CCDC30: variants seen among roughly 807,000 people sequenced by gnomAD.
The protein encoded by CCDC30 is coiled-coil domain containing 30, also known as coiled-coil domain-containing protein 30.
Under a neutral mutation model 100.2 loss-of-function variants are expected in CCDC30, and 70 were observed. That is an observed-to-expected ratio of 0.70 (90% confidence interval 0.58 to 0.85). The LOEUF is 0.85. CCDC30 is among the 40% of genes least tolerant of loss of function. The pLI, the probability that CCDC30 is intolerant of heterozygous loss-of-function variation, is 0.00. For synonymous variants in CCDC30, 233 were observed against 269.5 expected, an observed-to-expected ratio of 0.86 and a Z score of 1.33; for missense variants, 652 against 771.2, an observed-to-expected ratio of 0.85 and a Z score of 1.83.
upstream of CCDC30, chr1:42,460,143 T>C: frequency 7.8e-7 from 1 of 1,281,688 alleles, no homozygotes; most frequent in East Asian, 3.1e-5. Flanking sequence ...TAATCACCTT[T>C]AAAAAGAAGA....
At chr1:42,634,262 A>C (rs888779872) in intron 11 of CCDC30, among the ~76,000 whole-genome samples, 3 of 151,314 alleles carry the variant, frequency 2.0e-5, no homozygotes, top group African/African-American at 4.8e-5. Flanking sequence ...AAAAAAAAAA[A>C]AAAAAAAAAA....
intron 6 of CCDC30, among the ~76,000 whole-genome samples, chr1:42,564,377 A>G (rs745591480): frequency 1.3e-5 from 2 of 152,060 alleles, no homozygotes; most frequent in Non-Finnish European, 2.9e-5. Context: ...CAATGGCATG[A>G]TCTTGGCTCA....
intron 7 of CCDC30, chr1:42,571,220 A>G (rs1253555824): frequency 6.6e-6 from 1 of 152,214 alleles, no homozygotes; most frequent in Admixed American, 6.5e-5. Context: ...TCTGTTTACA[A>G]TGAGATGTTT....
At chr1:42,628,547 C>T (rs1314650795) in intron 11 of CCDC30, among the ~76,000 whole-genome samples, 1 of 152,094 alleles carries the variant, frequency 6.6e-6, no homozygotes, top group East Asian at 1.9e-4. Context: ...CCCAAAATTC[C>T]CACATGTTGT....
intron 6 of CCDC30, chr1:42,556,212 G>A (rs772948127): frequency 5.6e-6 from 9 of 1,614,102 alleles, no homozygotes; most frequent in South Asian, 1.1e-5. Flanking sequence ...GTAAAGGAGG[G>A]CAGTTTTCCA....
chr1:42,527,707 C>G (rs1644742219), intron 6 of CCDC30, among the ~76,000 whole-genome samples: 1 of 152,108 alleles, frequency 6.6e-6, no homozygotes, highest in African/African-American at 2.4e-5. Flanking sequence ...GCAAATCTCA[C>G]TAACCTCCCA....
At chr1:42,532,816 G>A (rs1399287615) in intron 6 of CCDC30, among the ~76,000 whole-genome samples, 1 of 152,188 alleles carries the variant, frequency 6.6e-6, no homozygotes, top group African/African-American at 2.4e-5. Context: ...GCCCAGGCTG[G>A]AGTGTAGTGG....
At chr1:42,537,110 C>A (rs149353256) in intron 6 of CCDC30, 16 of 446,096 alleles carry the variant, frequency 3.6e-5, no homozygotes, top group African/African-American at 3.0e-4. Flanking sequence ...TGGGGTAGCT[C>A]TGTTGTTTCT....
In CCDC30 at chr1:42,574,634, A is replaced by G. The variant is rs201354173; in HGVS notation, c.637-2386A>G. On this transcript the variant is annotated intron_variant, in intron 7 of 16. Coordinates refer to ENST00000668663, the Ensembl canonical transcript of CCDC30. ...CTTTTTAGAGAAATAATAAATACAC[A>G]TATTTCACAGTTTAGAGTAAATATA... 1.8e-4 allele frequency among the ~76,000 whole-genome samples: 28 copies of G among 152,338 alleles called. 2 individuals are homozygous for G. In the East Asian group the frequency reaches 5.4e-3, roughly 29 times the overall value.
At chr1:42,458,754 A>G (rs1643315128), upstream of CCDC30, among the ~76,000 whole-genome samples, 1 of 152,230 alleles carries the variant, frequency 6.6e-6, no homozygotes, top group Non-Finnish European at 1.5e-5. Flanking sequence ...CTTGAAAGTA[A>G]CAAAGCAACT....
chr1:42,566,904 G>T (rs528671601), intron 7 of CCDC30, among the ~76,000 whole-genome samples: 210 of 152,194 alleles, frequency 1.4e-3, no homozygotes, highest in African/African-American at 4.8e-3. Context: ...AATAGTTAAG[G>T]CAACATCCCC....
intron 1 of CCDC30, among the ~76,000 whole-genome samples, chr1:42,472,195 G>A (rs924077371): frequency 1.3e-5 from 2 of 152,100 alleles, no homozygotes; most frequent in African/African-American, 4.8e-5. Flanking sequence ...CAGAGGTACA[G>A]TGAGCTGAGA....
At chr1:42,620,169 A>G (rs1176767182) in intron 11 of CCDC30, among the ~76,000 whole-genome samples, 1 of 152,140 alleles carries the variant, frequency 6.6e-6, no homozygotes, top group African/African-American at 2.4e-5. Context: ...CTTTTAAATA[A>G]CTTCTCAGGA....
Position 42,464,027 on chromosome 1 carries a change from A to C in CCDC30, c.-92+129A>C, listed in dbSNP as rs1643489494. On this transcript the variant is annotated intron_variant, in intron 1 of 16. Transcript: ENST00000668663. ...CCCTGTTCACGCTGCACATTATTGAATGTCCATTTGTCTGCACCACCTCTG... is the reference window on the plus strand; with the variant it reads ...CCCTGTTCACGCTGCACATTATTGACTGTCCATTTGTCTGCACCACCTCTG... 2.6e-5 allele frequency: 4 copies of C among 152,208 alleles called. No individual in the cohort carries two copies. The South Asian group carries it at 8.3e-4, about 32-fold the overall frequency. 9.4% of individuals were successfully genotyped at this position (152,208 alleles called of 1,614,324 possible).
At chr1:42,542,466 T>C (rs1424075373) in intron 6 of CCDC30, among the ~76,000 whole-genome samples, 2 of 151,862 alleles carry the variant, frequency 1.3e-5, no homozygotes, top group Non-Finnish European at 2.9e-5. Flanking sequence ...CTCAGGTGAT[T>C]GTCCTGCCTC....
intron 1 of CCDC30, among the ~76,000 whole-genome samples, chr1:42,475,359 T>A (rs1322906884): frequency 2.0e-5 from 3 of 152,180 alleles, no homozygotes; most frequent in Non-Finnish European, 2.9e-5. Flanking sequence ...GTGTTTTTTT[T>A]AGGTGGAAAA....
At chr1:42,579,990 A>G (rs1426118762) in intron 8 of CCDC30, among the ~76,000 whole-genome samples, 2 of 152,144 alleles carry the variant, frequency 1.3e-5, no homozygotes, top group Non-Finnish European at 2.9e-5. Context: ...GATGCGATTA[A>G]CACAAAATTC....
rs1643984135 is a variant in CCDC30, at chr1:42,482,814, T to TA, written c.168dup (p.Asp57ArgfsTer5). 8.1e-7 allele frequency: 1 copy of TA among 1,233,604 alleles called. No individual in the cohort carries two copies. Among genetic ancestry groups the TA allele is most frequent in the African/African-American group, 1.6e-5 (1 of 64,448 alleles). The allele number at this position is 1,233,604 out of a possible 1,614,324, so 76.4% of individuals were successfully genotyped here. A position where few individuals can be genotyped will look rare whatever the true frequency, so the allele number is the denominator to read the frequency against. Reference sequence around the variant, plus strand: ...GTGAAGGAGAAGGAACAATGTAAATTAGGTAAGCTGTGGTTTCAGATGACC... The same window carrying TA: ...GTGAAGGAGAAGGAACAATGTAAATTAAGGTAAGCTGTGGTTTCAGATGACC... On this transcript the variant is annotated frameshift_variant and splice_region_variant, in exon 3 of 17. Coordinates refer to ENST00000668663, the Ensembl canonical transcript of CCDC30. LOFTEE classifies it high-confidence loss of function.
intron 1 of CCDC30, among the ~76,000 whole-genome samples, chr1:42,469,462 A>G (rs1643695650): frequency 6.6e-6 from 1 of 152,228 alleles, no homozygotes. Flanking sequence ...TGTGGGAGAC[A>G]AATTGTCCAA....
Sources: gnomAD v4.1 joint callset for allele counts (sites outside exome capture counted in the v4.1 genomes callset) on GRCh38, gnomAD v4.1.1 for gene constraint, MANE v1.5 for transcripts, NCBI Gene and HGNC (gene_info 2026-07-23, HGNC 2026-07-21) for gene names.